The following GSG1L variants were observed in gnomAD, a reference collection of about 807,000 sequenced individuals.
The protein encoded by GSG1L is GSG1 like.
In GSG1L, 24 loss-of-function variants were observed where a neutral mutation model predicts 42.1. That is an observed-to-expected ratio of 0.57 (90% CI 0.41 to 0.80). The LOEUF is 0.80. Ranked by LOEUF, GSG1L falls within the 30% of genes least tolerant of loss-of-function variation. The pLI is 0.00. For synonymous variants in GSG1L, 215 were observed against 203.5 expected (o/e 1.06, Z -0.48); for missense variants, 445 against 472.2 (o/e 0.94, Z 0.53).
At chr16:27,826,026 C>A (rs900486463) in intron 5 of GSG1L, among the ~76,000 whole-genome samples, 8 of 152,120 alleles carry the variant, frequency 5.3e-5, no homozygotes, top group South Asian at 2.1e-4. Context: ...CAGAGTGAGA[C>A]CCTGTCTCCA....
intron 3 of GSG1L, among the ~76,000 whole-genome samples, chr16:27,845,609 TCA>T (rs1424833492): frequency 1.3e-5 from 2 of 152,152 alleles, no homozygotes; most frequent in Admixed American, 1.3e-4. Flanking sequence ...CATTATTTTC[TCA>T]GTGTTTTGTA....
At chr16:27,918,130 C>T (rs2084479798) in intron 2 of GSG1L, among the ~76,000 whole-genome samples, 1 of 152,202 alleles carries the variant, frequency 6.6e-6, no homozygotes, top group Admixed American at 6.5e-5. Flanking sequence ...GCAGACATTT[C>T]ATTGTATTGC....
chr16:27,831,986 A>G (rs2083279384), intron 4 of GSG1L, among the ~76,000 whole-genome samples: 2 of 151,596 alleles, frequency 1.3e-5, no homozygotes, highest in African/African-American at 4.9e-5. Flanking sequence ...GTCCCTTCTC[A>G]CCTGTGAATG....
intron 1 of GSG1L, among the ~76,000 whole-genome samples, chr16:27,986,950 C>G (rs2141130763): frequency 6.6e-6 from 1 of 152,372 alleles, no homozygotes; most frequent in African/African-American, 2.4e-5. Context: ...GGCACAGTGG[C>G]TCACGCCTGT....
intron 3 of GSG1L, among the ~76,000 whole-genome samples, chr16:27,859,422 T>C (rs146923633): frequency 1.3e-5 from 2 of 152,312 alleles, no homozygotes; most frequent in Non-Finnish European, 2.9e-5. Context: ...CATGCCCTAG[T>C]CCATCCTCCG....
intron 2 of GSG1L, among the ~76,000 whole-genome samples, chr16:27,924,683 G>T (rs777270007): frequency 6.6e-6 from 1 of 152,122 alleles, no homozygotes; most frequent in Admixed American, 6.5e-5. Flanking sequence ...AGCAATAAGG[G>T]ATTTTCTTAT....
chr16:28,029,530 GGGATGGATGGAT>G (rs60587266), intron 1 of GSG1L, among the ~76,000 whole-genome samples: 18 of 149,476 alleles, frequency 1.2e-4, no homozygotes, highest in African/African-American at 3.4e-4. Flanking sequence ...GGTGCATGAA[GGGATGGATGGAT>G]GGATGGATGG....
chr16:27,985,655 C>T (rs1339955698), intron 1 of GSG1L, among the ~76,000 whole-genome samples: 1 of 151,746 alleles, frequency 6.6e-6, no homozygotes, highest in African/African-American at 2.4e-5. Context: ...ACCAGCCTGA[C>T]CAACATGGAG....
chr16:27,885,427 G>C (rs1162981764), intron 2 of GSG1L, among the ~76,000 whole-genome samples: 1 of 152,176 alleles, frequency 6.6e-6, no homozygotes, highest in Non-Finnish European at 1.5e-5. Context: ...GGGATTACAG[G>C]CATGAGCCAC....
At position 28,050,446 on chromosome 16, in the gene GSG1L, G is replaced by A. The variant is rs963235932; in HGVS notation, c.349+12630C>T. On this transcript the variant is annotated intron_variant, in intron 1 of 6. Transcript: ENST00000447459. ...CTCCAGAAGGGCTGGGATTGGAGGC[G>A]TGAGCCACTGCACCCAGGTAGGAGG... is the stretch of plus-strand genomic sequence containing the variant. Among the ~76,000 whole-genome samples the A allele has an allele frequency of 8.5e-5, 13 of 152,232 alleles. 1 individual carries two copies. The highest frequency in any genetic ancestry group is 6.8e-3 in the Middle Eastern group (2 of 294).
intron 1 of GSG1L, among the ~76,000 whole-genome samples, chr16:28,044,916 C>T (rs1167261603): frequency 6.6e-6 from 1 of 152,286 alleles, no homozygotes; most frequent in African/African-American, 2.4e-5. Context: ...TGAGCTACCG[C>T]GTCCGGCCAT....
At chr16:27,863,428 A>G (rs1240715344) in intron 3 of GSG1L, 2 of 152,190 alleles carry the variant, frequency 1.3e-5, no homozygotes, top group Non-Finnish European at 2.9e-5. Flanking sequence ...TTTTTCAGGT[A>G]TATCTTTTCC....
chr16:27,874,235 T>C (rs760308643), intron 3 of GSG1L, among the ~76,000 whole-genome samples: 12 of 152,052 alleles, frequency 7.9e-5, no homozygotes, highest in Non-Finnish European at 1.3e-4. Context: ...GATGAGATGA[T>C]GACTCAAAAT....
At chr16:27,977,260 C>A (rs1305767656) in intron 1 of GSG1L, among the ~76,000 whole-genome samples, 1 of 152,156 alleles carries the variant, frequency 6.6e-6, no homozygotes, top group Non-Finnish European at 1.5e-5. Flanking sequence ...GCTCTGTTAT[C>A]ATGCAGGGGA....
chr16:27,951,715 G>A (rs1169777033), intron 2 of GSG1L, among the ~76,000 whole-genome samples: 1 of 152,144 alleles, frequency 6.6e-6, no homozygotes, highest in African/African-American at 2.4e-5. Context: ...GTGGAGAGGG[G>A]CTCCCCTCTC....
At chr16:27,946,604 AGAGAGAGAGAGAGAG>A (rs2084867358) in intron 2 of GSG1L, among the ~76,000 whole-genome samples, 1 of 6,482 alleles carries the variant, frequency 1.5e-4, no homozygotes, top group African/African-American at 4.7e-4. Context: ...AGAGAGAGAG[AGAGAGAGAGAGAGAG>A]AGAGAGAGAG....
At chr16:28,031,813 T>G (rs994601004) in intron 1 of GSG1L, among the ~76,000 whole-genome samples, 1 of 152,230 alleles carries the variant, frequency 6.6e-6, no homozygotes, top group Non-Finnish European at 1.5e-5. Flanking sequence ...ATTCACTTTC[T>G]GAATGTGCGT....
intron 3 of GSG1L, among the ~76,000 whole-genome samples, chr16:27,883,607 T>C (rs541064343): frequency 1.3e-3 from 194 of 152,132 alleles, no homozygotes; most frequent in African/African-American, 4.3e-3. Context: ...AAATAGAGAG[T>C]TCTTCCAATG....
intron 2 of GSG1L, among the ~76,000 whole-genome samples, chr16:27,905,926 A>C (rs2084316682): frequency 6.6e-6 from 1 of 152,128 alleles, no homozygotes; most frequent in South Asian, 2.1e-4. Context: ...TGTGGCAGAG[A>C]AGTCTAAAAA....
Sources: gnomAD v4.1 joint callset for allele counts (sites outside exome capture counted in the v4.1 genomes callset) on GRCh38, gnomAD v4.1.1 for gene constraint, MANE v1.5 for transcripts, NCBI Gene and HGNC (gene_info 2026-07-23, HGNC 2026-07-21) for gene names.